SLC37A1: variants seen among roughly 807,000 people sequenced by gnomAD.
SLC37A1 encodes the protein solute carrier family 37 member 1.
SLC37A1 carries 49 observed loss-of-function variants against 75.3 expected under a neutral mutation model. The observed-to-expected ratio is 0.65, with a 90% CI of 0.52 to 0.83. SLC37A1 has a LOEUF of 0.83. SLC37A1 is among the 40% of genes least tolerant of loss of function. The pLI, the probability that SLC37A1 is intolerant of heterozygous loss-of-function variation, is 0.00. For synonymous variants in SLC37A1, 268 were observed against 292.1 expected (o/e 0.92, Z 0.84); for missense variants, 566 against 695.0 (o/e 0.81, Z 2.09).
At chr21:42,562,033 C>A in intron 11 of SLC37A1, 45 bp from the exon 12 acceptor site, 1 of 1,481,350 alleles carries the variant, frequency 6.8e-7, no homozygotes, top group Non-Finnish European at 9.4e-7. Context: ...CACACACCTG[C>A]TGACTCCACA....
chr21:42,510,847 CTAAATATA>C (rs370964303), upstream of SLC37A1, among the ~76,000 whole-genome samples: 5 of 152,198 alleles, frequency 3.3e-5, no homozygotes, highest in African/African-American at 1.2e-4. Flanking sequence ...ATCAGAGTAC[CTAAATATA>C]TATTAACGGA....
At chr21:42,526,343 A>G (rs2054790990) in intron 3 of SLC37A1, among the ~76,000 whole-genome samples, 1 of 152,234 alleles carries the variant, frequency 6.6e-6, no homozygotes, top group Non-Finnish European at 1.5e-5. Flanking sequence ...ACAAGCCTAC[A>G]TAATCACCAG....
At chr21:42,573,637 G>C (rs2056241397) in intron 17 of SLC37A1, among the ~76,000 whole-genome samples, 1 of 151,946 alleles carries the variant, frequency 6.6e-6, no homozygotes, top group Non-Finnish European at 1.5e-5. Context: ...TTGCTCCTGG[G>C]ATTATAAAAT....
chr21:42,547,180 G>A lies in SLC37A1; in HGVS notation c.768+40G>A. On this transcript the variant is annotated intron_variant, in intron 9 of 19. Transcript: ENST00000352133. The surrounding 1 kb of genome is among the most constrained non-coding windows in gnomAD (Gnocchi z 6.1). ...TTCTTGTCCTTTTCTAGAACAGTGT[G>A]CGGTTCTGACCACTTCCCCAGCCTG... The A allele has an allele frequency of 1.2e-6, 2 of 1,611,990 alleles. No homozygotes were observed. Among genetic ancestry groups the A allele is most frequent in the Non-Finnish European group, 1.7e-6 (2 of 1,178,046 alleles).
chr21:42,558,016 A>G (rs556215099), intron 10 of SLC37A1, among the ~76,000 whole-genome samples: 1 of 152,228 alleles, frequency 6.6e-6, no homozygotes, highest in Non-Finnish European at 1.5e-5. Flanking sequence ...ATCACAGCTC[A>G]CTGCAGCCTC....
upstream of SLC37A1, among the ~76,000 whole-genome samples, chr21:42,510,744 C>G (rs2054425347): frequency 6.6e-6 from 1 of 152,000 alleles, no homozygotes; most frequent in South Asian, 2.1e-4. Context: ...GACTTTAAGT[C>G]AAAAACTTCA....
intron 16 of SLC37A1, among the ~76,000 whole-genome samples, chr21:42,568,062 C>T (rs920332475): frequency 6.6e-6 from 1 of 152,278 alleles, no homozygotes; most frequent in African/African-American, 2.4e-5. Flanking sequence ...ACGCCTCTCA[C>T]GCTGGCTGCT....
rs145032115 is a variant in SLC37A1 at position 42,579,508 on chromosome 21, TTCATCAGACAGCCCTGCCC to T, written c.1522-208_1522-190del. Among the ~76,000 whole-genome samples, 132 of 126,260 alleles carry T rather than the reference TTCATCAGACAGCCCTGCCC, an allele frequency of 1.0e-3. 1 individual carries two copies. The highest frequency in any genetic ancestry group is 3.9e-3 in the African/African-American group (124 of 31,910). 82.8% of individuals were successfully genotyped at this position (126,260 alleles called of 152,430 possible). A position where few individuals can be genotyped will look rare whatever the true frequency, so the allele number is the denominator to read the frequency against. ...GGCAGCTCCTGGTTCTTCGTGGGCC[TTCATCAGACAGCCCTGCCC>T]TCATCAGACAGCCCTGCCCACAGGA... On this transcript the variant is annotated intron_variant, in intron 18 of 19. Transcript: ENST00000352133.
chr21:42,575,101 A>G (rs1375092104), intron 18 of SLC37A1, 186 bp downstream of exon 18: 7 of 985,478 alleles, frequency 7.1e-6, no homozygotes. Flanking sequence ...CAGAAACAGA[A>G]GCAGGACAGT....
rs2055484144 is a variant in SLC37A1, at chr21:42,548,706, A to G, written c.768+1566A>G. Reference sequence around the variant, plus strand: ...TGTATTGATACAGACGCCAGAGCACATCAGCCCTTGCACAACACAGTCCAG... The same window carrying G: ...TGTATTGATACAGACGCCAGAGCACGTCAGCCCTTGCACAACACAGTCCAG... On this transcript the variant is annotated intron_variant, in intron 9 of 19. Coordinates refer to ENST00000352133, the MANE Select transcript of SLC37A1 (RefSeq NM_001320537.2). The surrounding 1 kb of genome is among the most constrained non-coding windows in gnomAD (Gnocchi z 5.6). Among the ~76,000 whole-genome samples, 6 of 152,326 alleles carry G rather than the reference A, an allele frequency of 3.9e-5. No homozygotes were observed. The South Asian group carries it at 1.2e-3, about 32-fold the overall frequency.
intron 17 of SLC37A1, among the ~76,000 whole-genome samples, chr21:42,569,319 A>G (rs931351094): frequency 2.0e-5 from 3 of 152,136 alleles, no homozygotes; most frequent in Non-Finnish European, 4.4e-5. Context: ...GCAGGCTGGA[A>G]ACATCACAGC....
chr21:42,530,654 A>ACACACACACACACACCCC (rs1161313598), intron 3 of SLC37A1, among the ~76,000 whole-genome samples: 8 of 35,874 alleles, frequency 2.2e-4, no homozygotes, highest in Non-Finnish European at 3.7e-4. Context: ...ACACACACAC[A>ACACACACACACACACCCC]CCCCCTCTGT....
intron 18 of SLC37A1, chr21:42,575,244 G>C: frequency 1.0e-6 from 1 of 984,410 alleles, no homozygotes; most frequent in Non-Finnish European, 1.2e-6. Flanking sequence ...AGTTTCCACA[G>C]CTTTAAAATG....
rs980739069 is a variant in SLC37A1, at chr21:42,545,309, A to T, written c.730+1707A>T. Among the ~76,000 whole-genome samples, 3 of 152,246 alleles carry T rather than the reference A, an allele frequency of 2.0e-5. No homozygotes were observed. Among genetic ancestry groups the T allele is most frequent in the Middle Eastern group, 3.4e-3 (1 of 294 alleles). On this transcript the variant is annotated intron_variant, in intron 8 of 19. Transcript: ENST00000352133. This position sits in a 1 kb window ranked among gnomAD's most constrained non-coding sequence, Gnocchi z 4.0. The stretch of plus-strand genomic sequence containing the variant: ...CTGGGAGGTGCACTGTGTCTGAATG[A>T]TGAGACCCAGCTGTGACAACAGTGG...
intron 13 of SLC37A1, among the ~76,000 whole-genome samples, 180 bp from the exon 14 acceptor site, chr21:42,564,528 C>A (rs73905698): frequency 0.077 from 11,720 of 152,178 alleles, 1,306 homozygotes; most frequent in African/African-American, 0.25. Context: ...TCACATCTGA[C>A]CACAACCAAT....
intron 10 of SLC37A1, among the ~76,000 whole-genome samples, chr21:42,558,480 A>G (rs974145148): frequency 1.2e-4 from 18 of 152,224 alleles, no homozygotes; most frequent in Admixed American, 8.5e-4. Context: ...AATAGATCCT[A>G]TAGTTGCCTA....
chr21:42,563,724 T>A, intron 12 of SLC37A1, 91 bp from the exon 13 acceptor site: 1 of 1,160,622 alleles, frequency 8.6e-7, no homozygotes, highest in Middle Eastern at 2.6e-4. Context: ...GAAGCCAGAG[T>A]CCCGTGCACG....
At chr21:42,543,750 TTC>T in intron 8 of SLC37A1, 148 bp downstream of exon 8, 1 of 740,416 alleles carries the variant, frequency 1.4e-6, no homozygotes, top group South Asian at 2.2e-5. Flanking sequence ...CCAGGGAGAC[TTC>T]CCCGGGGAGC....
At chr21:42,543,782 C>G (rs1192306936) in intron 8 of SLC37A1, among the ~76,000 whole-genome samples, 180 bp downstream of exon 8, 1 of 152,224 alleles carries the variant, frequency 6.6e-6, no homozygotes, top group African/African-American at 2.4e-5. Context: ...CCTGGTTTTG[C>G]TGGATTTCCT....
Sources: gnomAD v4.1 joint callset for allele counts (sites outside exome capture counted in the v4.1 genomes callset) on GRCh38, gnomAD v4.1.1 for gene constraint, Gnocchi (gnomAD v3.1) non-coding constraint, MANE v1.5 for transcripts, NCBI Gene and HGNC (gene_info 2026-07-23, HGNC 2026-07-21) for gene names.